PIK3CA: variants seen among roughly 807,000 people sequenced by gnomAD.
PIK3CA encodes phosphatidylinositol-4,5-bisphosphate 3-kinase catalytic subunit alpha, also known as phosphatidylinositol 4,5-bisphosphate 3-kinase catalytic subunit alpha isoform.
Under a neutral mutation model 138.2 loss-of-function variants are expected in PIK3CA, and 27 were observed. That is an observed-to-expected ratio of 0.20 (90% CI 0.14 to 0.27). The LOEUF (loss-of-function observed/expected upper bound fraction) is 0.27, where lower values mean the gene tolerates loss of function less well. Ranked by LOEUF, PIK3CA falls within the 10% of genes least tolerant of loss-of-function variation. The probability of loss-of-function intolerance (pLI) is 1.00; values close to 1 mark genes in which losing one functional copy is unlikely to be tolerated. For synonymous variants in PIK3CA, 358 were observed against 413.2 expected (o/e 0.87, Z 1.62); for missense variants, 544 against 1,277.4 (o/e 0.43, Z 8.75).
chr3:179,160,498 T>C (rs991312738), intron 1 of PIK3CA, among the ~76,000 whole-genome samples: 1 of 152,220 alleles, frequency 6.6e-6, no homozygotes, highest in African/African-American at 2.4e-5. Flanking sequence ...AACAGCAGTT[T>C]GATCCGGTGC....
At chr3:179,228,663 A>C (rs2108421746) in intron 17 of PIK3CA, among the ~76,000 whole-genome samples, 1 of 152,212 alleles carries the variant, frequency 6.6e-6, no homozygotes, top group Non-Finnish European at 1.5e-5. Context: ...GACATTTAAA[A>C]ATTTTTTTAA....
intron 1 of PIK3CA, among the ~76,000 whole-genome samples, chr3:179,183,406 C>G (rs954251402): frequency 2.7e-4 from 41 of 152,226 alleles, no homozygotes; most frequent in African/African-American, 9.1e-4. Flanking sequence ...AATACAATAT[C>G]TTACGTTCAT....
chr3:179,198,635 C>T (rs1357865410), intron 1 of PIK3CA, 115 bp from the exon 2 acceptor site: 1 of 426,576 alleles, frequency 2.3e-6, no homozygotes, highest in Non-Finnish European at 4.1e-6. Context: ...ATTATTACTA[C>T]TTAGCCTAAT....
intron 1 of PIK3CA, among the ~76,000 whole-genome samples, chr3:179,195,012 CA>C (rs11316257): frequency 0.4 from 38,581 of 95,602 alleles, 5,319 homozygotes; most frequent in African/African-American, 0.49. Context: ...AGGTACTTCT[CA>C]AAAAAAAAAA....
At position 179,204,173 on chromosome 3, in the gene PIK3CA, A is replaced by G. The variant is rs181872738; in HGVS notation, c.1060-330A>G. 4.2e-4 allele frequency among the ~76,000 whole-genome samples: 64 copies of G among 152,334 alleles called. 3 individuals are homozygous for G. The highest frequency in any genetic ancestry group is 1.5e-3 in the African/African-American group (64 of 41,574). ...TGTCTTTATGAGGTACTGCTTCACC[A>G]GCTAAGGAAGTAGTATTTAGTAAGT... is the stretch of plus-strand genomic sequence containing the variant. On this transcript the variant is annotated intron_variant, in intron 5 of 20. Transcript: ENST00000263967.
chr3:179,212,615 A>C (rs931823204), intron 9 of PIK3CA, among the ~76,000 whole-genome samples: 1 of 151,758 alleles, frequency 6.6e-6, no homozygotes, highest in East Asian at 2.0e-4. Flanking sequence ...AAAAAACAAA[A>C]AACAAGAGAG....
At chr3:179,176,397 T>C (rs1723698456) in intron 1 of PIK3CA, among the ~76,000 whole-genome samples, 1 of 152,090 alleles carries the variant, frequency 6.6e-6, no homozygotes, top group South Asian at 2.1e-4. Context: ...CTGGTGAGGT[T>C]TTTGTTTGTT....
intron 14 of PIK3CA, among the ~76,000 whole-genome samples, chr3:179,222,010 A>G (rs1329271639): frequency 4.6e-5 from 7 of 151,842 alleles, no homozygotes; most frequent in Admixed American, 3.9e-4. Context: ...GCCTAGCCCA[A>G]TGTAAACTTT....
intron 1 of PIK3CA, among the ~76,000 whole-genome samples, chr3:179,153,130 A>G (rs997547714): frequency 1.3e-5 from 2 of 152,216 alleles, no homozygotes; most frequent in African/African-American, 4.8e-5. Flanking sequence ...TATAAGAAAT[A>G]TAGGAAAAAT....
chr3:179,218,581 CT>C (rs1724895718), intron 10 of PIK3CA, among the ~76,000 whole-genome samples: 1 of 151,924 alleles, frequency 6.6e-6, no homozygotes, highest in African/African-American at 2.4e-5. Flanking sequence ...CCTGATATGA[CT>C]TTCTTTAGGA....
intron 1 of PIK3CA, among the ~76,000 whole-genome samples, chr3:179,177,886 T>TA (rs1031620138): frequency 1.1e-4 from 16 of 151,882 alleles, no homozygotes; most frequent in African/African-American, 3.4e-4. Flanking sequence ...CAGAATGAGT[T>TA]AAAAAAACAG....
intron 1 of PIK3CA, among the ~76,000 whole-genome samples, chr3:179,161,289 G>A (rs555849989): frequency 2.6e-5 from 4 of 152,304 alleles, no homozygotes; most frequent in East Asian, 3.9e-4. Flanking sequence ...CTAGGCAAAG[G>A]GGGTAACAGA....
At chr3:179,187,953 A>G (rs1264302935) in intron 1 of PIK3CA, among the ~76,000 whole-genome samples, 1 of 152,184 alleles carries the variant, frequency 6.6e-6, no homozygotes, top group Non-Finnish European at 1.5e-5. Context: ...TAATTCTTAT[A>G]ACATTACTGT....
chr3:179,229,859 T>C (rs1269480797), intron 18 of PIK3CA, 145 bp from the exon 19 acceptor site: 4 of 572,642 alleles, frequency 7.0e-6, no homozygotes, highest in Non-Finnish European at 1.2e-5. Context: ...CTTCACAATC[T>C]CAAAATCTTT....
At chr3:179,152,610 C>T (rs576535717) in intron 1 of PIK3CA, among the ~76,000 whole-genome samples, 2 of 152,294 alleles carry the variant, frequency 1.3e-5, no homozygotes, top group East Asian at 1.9e-4. Flanking sequence ...CAAGAGAGTT[C>T]TTGCCCTGGA....
chr3:179,236,283 C>T lies in PIK3CA; in HGVS notation c.*1919C>T, dbSNP rs1725332025. ...AAAGTAAATTTGAAGATTAAGGGAA[C>T]TTACTTCTGCAAACTGTCTTGCGAT... On this transcript the variant is annotated 3_prime_UTR_variant, in exon 21 of 21. Transcript: ENST00000263967. The T allele has an allele frequency of 4.8e-6, 1 of 207,922 alleles. No homozygotes were observed. The highest frequency in any genetic ancestry group is 2.3e-5 in the African/African-American group (1 of 43,986). The allele number at this position is 207,922 out of a possible 1,614,324, so 12.9% of individuals were successfully genotyped here. A position where few individuals can be genotyped will look rare whatever the true frequency, so the allele number is the denominator to read the frequency against.
At chr3:179,177,654 T>C (rs756713038) in intron 1 of PIK3CA, among the ~76,000 whole-genome samples, 1 of 152,148 alleles carries the variant, frequency 6.6e-6, no homozygotes, top group South Asian at 2.1e-4. Flanking sequence ...TTATAAAGTA[T>C]AGTGGAAGAG....
rs2108412235 is a variant in PIK3CA, at chr3:179,220,060, T to C, written c.2015+8T>C. The C allele has an allele frequency of 1.9e-6, 3 of 1,552,078 alleles. No homozygotes were observed. The highest frequency in any genetic ancestry group is 2.6e-6 in the Non-Finnish European group (3 of 1,143,780). ...TTTCTTTTGGCATTTAAAGTAAGTC[T>C]AATTATTTTCCCATTAAATTCTTAA... is the stretch of plus-strand genomic sequence containing the variant. On this transcript the variant is annotated splice_region_variant and intron_variant, in intron 13 of 20. Coordinates refer to ENST00000263967, the MANE Select transcript of PIK3CA (RefSeq NM_006218.4). This position sits in a 1 kb window ranked among gnomAD's most constrained non-coding sequence, Gnocchi z 4.1.
chr3:179,224,888 A>G lies in PIK3CA; in HGVS notation c.2416+67A>G, dbSNP rs3729691. On this transcript the variant is annotated intron_variant, in intron 16 of 20. Coordinates refer to ENST00000263967, the MANE Select transcript of PIK3CA (RefSeq NM_006218.4). ...CTATCTTTTTATACACAGGATATTT[A>G]TGAACCATGAAAACTACTGAAAGCC... 1.1e-3 allele frequency: 1,225 copies of G among 1,149,664 alleles called. 24 individuals are homozygous for G. The East Asian group carries it at 0.026, about 25-fold the overall frequency. The allele number at this position is 1,149,664 out of a possible 1,614,324, so 71.2% of individuals were successfully genotyped here.
Sources: gnomAD v4.1 joint callset for allele counts (sites outside exome capture counted in the v4.1 genomes callset) on GRCh38, gnomAD v4.1.1 for gene constraint, Gnocchi (gnomAD v3.1) non-coding constraint, MANE v1.5 for transcripts, NCBI Gene and HGNC (gene_info 2026-07-23, HGNC 2026-07-21) for gene names.